The following MRPS27 variants were observed in gnomAD, a reference collection of about 807,000 sequenced individuals.
MRPS27 encodes the protein small ribosomal subunit protein mS27.
MRPS27 carries 43 observed loss-of-function variants against 48.9 expected under a neutral mutation model. That is an observed-to-expected ratio of 0.88 (90% CI 0.69 to 1.13). The LOEUF (loss-of-function observed/expected upper bound fraction) is 1.13. Among genes scored for constraint, MRPS27 ranks in the 50% most tolerant of loss-of-function variants. The probability of loss-of-function intolerance (pLI) is 0.00; values close to 1 mark genes in which losing one functional copy is unlikely to be tolerated. For missense variants in MRPS27, 467 were observed against 476.3 expected (o/e 0.98, Z 0.18); for synonymous variants, 188 against 171.9 (o/e 1.09, Z -0.73).
At chr5:72,260,253 C>T (rs114946708) in intron 4 of MRPS27, among the ~76,000 whole-genome samples, 4,225 of 152,262 alleles carry the variant, frequency 0.028, 203 homozygotes, top group African/African-American at 0.096. Flanking sequence ...CAAGAGTACA[C>T]AAATATTTCC....
chr5:72,285,119 C>A (rs1017729346), intron 4 of MRPS27, among the ~76,000 whole-genome samples: 7 of 152,174 alleles, frequency 4.6e-5, no homozygotes, highest in African/African-American at 1.7e-4. Context: ...TCCCTTCTCT[C>A]CTGCCAACAT....
intron 2 of MRPS27, among the ~76,000 whole-genome samples, chr5:72,312,156 A>C (rs1457580375): frequency 1.3e-5 from 2 of 152,120 alleles, no homozygotes; most frequent in African/African-American, 4.8e-5. Flanking sequence ...CAATAACAAC[A>C]ACAAAATTAT....
intron 9 of MRPS27, among the ~76,000 whole-genome samples, chr5:72,225,390 G>C (rs1021981208): frequency 1.6e-4 from 24 of 152,134 alleles, no homozygotes; most frequent in African/African-American, 4.6e-4. Context: ...ACTCACACTG[G>C]CTGTAAAAGC....
At chr5:72,262,177 G>A (rs1477608790) in intron 4 of MRPS27, among the ~76,000 whole-genome samples, 1 of 152,144 alleles carries the variant, frequency 6.6e-6, no homozygotes, top group Non-Finnish European at 1.5e-5. Context: ...CTAGCTGTGT[G>A]TATTTTGAGG....
intron 4 of MRPS27, among the ~76,000 whole-genome samples, chr5:72,279,546 C>T (rs1749476548): frequency 6.6e-6 from 1 of 152,070 alleles, no homozygotes; most frequent in South Asian, 2.1e-4. Context: ...TGCTTGAGGA[C>T]AGGAGTTTGA....
intron 4 of MRPS27, among the ~76,000 whole-genome samples, chr5:72,259,800 AT>A (rs1416741594): frequency 6.6e-6 from 1 of 152,192 alleles, no homozygotes; most frequent in African/African-American, 2.4e-5. Context: ...TCCTTTAAAA[AT>A]GTGCCAATTT....
At chr5:72,287,988 C>G (rs1294100096) in intron 4 of MRPS27, among the ~76,000 whole-genome samples, 1 of 152,204 alleles carries the variant, frequency 6.6e-6, no homozygotes, top group Non-Finnish European at 1.5e-5. Flanking sequence ...CTCCTAGGGA[C>G]TCAGGACTGG....
chr5:72,273,762 T>G (rs1749305324), intron 4 of MRPS27, among the ~76,000 whole-genome samples: 1 of 152,178 alleles, frequency 6.6e-6, no homozygotes, highest in African/African-American at 2.4e-5. Flanking sequence ...AAGCAGTGAG[T>G]AAACGTGAAG....
At chr5:72,299,841 T>G (rs1236304561) in intron 2 of MRPS27, among the ~76,000 whole-genome samples, 3 of 152,360 alleles carry the variant, frequency 2.0e-5, no homozygotes, top group Non-Finnish European at 4.4e-5. Flanking sequence ...GCTCATGATT[T>G]TGTGTCTCAT....
intron 4 of MRPS27, among the ~76,000 whole-genome samples, chr5:72,274,893 G>A (rs761108398): frequency 2.0e-5 from 3 of 152,124 alleles, no homozygotes; most frequent in South Asian, 2.1e-4. Flanking sequence ...CTGAAACATC[G>A]TTATGCAGCA....
intron 4 of MRPS27, among the ~76,000 whole-genome samples, chr5:72,257,938 G>C (rs1057198167): frequency 1.3e-5 from 2 of 151,968 alleles, no homozygotes; most frequent in African/African-American, 4.8e-5. Context: ...CAAAAAATTG[G>C]CCGGGTGTGG....
chr5:72,309,888 T>C (rs1005202838), intron 2 of MRPS27, among the ~76,000 whole-genome samples: 1 of 152,194 alleles, frequency 6.6e-6, no homozygotes, highest in Non-Finnish European at 1.5e-5. Context: ...TTAGGATATG[T>C]GGAAGTTGGT....
chr5:72,311,449 C>G, intron 2 of MRPS27, among the ~76,000 whole-genome samples: 1 of 152,150 alleles, frequency 6.6e-6, no homozygotes, highest in East Asian at 1.9e-4. Context: ...GAAATTTAAT[C>G]CCCAGTGTAA....
In MRPS27 at chr5:72,249,976, T is replaced by C. The variant is rs372672964; in HGVS notation, c.282-11848A>G. Reference sequence around the variant, plus strand: ...TCCAGCCTGGGCGACAGAACGAGACTCCATCTCAAAAACAAAAAACAAAAA... The same window carrying C: ...TCCAGCCTGGGCGACAGAACGAGACCCCATCTCAAAAACAAAAAACAAAAA... On this transcript the variant is annotated intron_variant, in intron 4 of 10. Coordinates refer to ENST00000261413, the MANE Select transcript of MRPS27 (RefSeq NM_015084.3). 7.1e-4 allele frequency among the ~76,000 whole-genome samples: 108 copies of C among 152,150 alleles called. No homozygotes were observed. In the South Asian group the frequency reaches 0.021, roughly 30 times the overall value.
intron 4 of MRPS27, among the ~76,000 whole-genome samples, chr5:72,253,880 G>T (rs1748727338): frequency 2.0e-5 from 3 of 152,138 alleles, no homozygotes; most frequent in African/African-American, 2.4e-5. Flanking sequence ...TCAAGCTTGG[G>T]AAATTCTCTT....
At chr5:72,237,667 G>A (rs1748234523) in intron 5 of MRPS27, among the ~76,000 whole-genome samples, 2 of 152,000 alleles carry the variant, frequency 1.3e-5, no homozygotes, top group South Asian at 2.1e-4. Flanking sequence ...CAAAGACACA[G>A]GAGCAACATG....
intron 4 of MRPS27, among the ~76,000 whole-genome samples, chr5:72,281,981 C>G (rs917923821): frequency 6.6e-6 from 1 of 152,080 alleles, no homozygotes; most frequent in Non-Finnish European, 1.5e-5. Context: ...AGTTTTAAGT[C>G]CCAGCTTTGC....
At chr5:72,235,165 T>A (rs1302047466) in intron 5 of MRPS27, among the ~76,000 whole-genome samples, 1 of 152,108 alleles carries the variant, frequency 6.6e-6, no homozygotes, top group Non-Finnish European at 1.5e-5. Context: ...GTTTTAAAGG[T>A]TGTAGCTCAT....
intron 4 of MRPS27, among the ~76,000 whole-genome samples, chr5:72,246,382 C>CT (rs1294923238): frequency 2.0e-5 from 3 of 152,166 alleles, no homozygotes; most frequent in Non-Finnish European, 2.9e-5. Flanking sequence ...CTTATTCCCC[C>CT]TACTGTTCCT....
Sources: gnomAD v4.1 joint callset for allele counts (sites outside exome capture counted in the v4.1 genomes callset) on GRCh38, gnomAD v4.1.1 for gene constraint, MANE v1.5 for transcripts, NCBI Gene and HGNC (gene_info 2026-07-23, HGNC 2026-07-21) for gene names.